COMMD1: variants seen among roughly 807,000 people sequenced by gnomAD.
The protein encoded by COMMD1 is copper metabolism domain containing 1, also known as COMM domain-containing protein 1.
Under a neutral mutation model 17.2 loss-of-function variants are expected in COMMD1, and 10 were observed. The observed-to-expected ratio is 0.58, with a 90% CI of 0.36 to 0.99. The LOEUF is 0.99. COMMD1 is among the 50% of genes least tolerant of loss of function. The pLI, the probability that COMMD1 is intolerant of heterozygous loss-of-function variation, is 0.01. For missense variants in COMMD1, 270 were observed against 231.8 expected, an observed-to-expected ratio of 1.17 and a Z score of -1.07; for synonymous variants, 97 against 91.6, an observed-to-expected ratio of 1.06 and a Z score of -0.34.
At chr2:62,088,977 C>A (rs1671748478) in intron 2 of COMMD1, among the ~76,000 whole-genome samples, 1 of 152,166 alleles carries the variant, frequency 6.6e-6, no homozygotes, top group Non-Finnish European at 1.5e-5. Flanking sequence ...TAAATCTAAA[C>A]ATTTTCTGGT....
intron 2 of COMMD1, among the ~76,000 whole-genome samples, chr2:62,133,529 A>T (rs1340150072): frequency 4.0e-5 from 6 of 151,882 alleles, no homozygotes; most frequent in African/African-American, 1.5e-4. Flanking sequence ...TTTTAATTTT[A>T]TATGCACACA....
rs572222152 is a variant in COMMD1, at chr2:62,104,582, C to T, written c.463-31249C>T. ...CCAGGAGGCAGAGGCAGCAGTGAGT[C>T]GAGATCGCGCCACTGTACTCCAGCC... On this transcript the variant is annotated intron_variant, in intron 2 of 2. Transcript: ENST00000311832. 2.2e-5 allele frequency among the ~76,000 whole-genome samples: 3 copies of T among 138,664 alleles called. No homozygotes were observed. The Admixed American group carries it at 2.3e-4, about 11-fold the overall frequency. The allele number at this position is 138,664 out of a possible 152,430, so 91.0% of individuals were successfully genotyped here.
chr2:61,978,240 A>T (rs1671859387), intron 1 of COMMD1, among the ~76,000 whole-genome samples: 1 of 152,236 alleles, frequency 6.6e-6, no homozygotes, highest in Non-Finnish European at 1.5e-5. Flanking sequence ...ACTCTAATAA[A>T]CTAAAAGCTT....
intron 2 of COMMD1, among the ~76,000 whole-genome samples, chr2:62,050,376 T>C (rs1038381988): frequency 6.6e-6 from 1 of 152,234 alleles, no homozygotes; most frequent in African/African-American, 2.4e-5. Flanking sequence ...GTACTAATAA[T>C]GTCTGCCATC....
chr2:61,940,364 C>T (rs1230975855), intron 1 of COMMD1, among the ~76,000 whole-genome samples: 2 of 152,156 alleles, frequency 1.3e-5, no homozygotes, highest in Non-Finnish European at 2.9e-5. Flanking sequence ...TAAAAGGAGT[C>T]ACAACTACCT....
chr2:62,135,253 T>C (rs1673160224), intron 2 of COMMD1, among the ~76,000 whole-genome samples: 1 of 152,202 alleles, frequency 6.6e-6, no homozygotes, highest in Non-Finnish European at 1.5e-5. Flanking sequence ...GAGGATCCAA[T>C]GAGATGACAA....
intron 2 of COMMD1, chr2:62,084,926 A>G (rs1051248103): frequency 4.6e-5 from 7 of 151,568 alleles, no homozygotes. Flanking sequence ...CCAGAACACA[A>G]AAGAAAAAGG....
intron 2 of COMMD1, among the ~76,000 whole-genome samples, chr2:62,009,206 A>G (rs1380550952): frequency 6.6e-6 from 1 of 152,196 alleles, no homozygotes; most frequent in Non-Finnish European, 1.5e-5. Context: ...TAGCTCTAAG[A>G]AGTGTTCCAT....
intron 1 of COMMD1, among the ~76,000 whole-genome samples, 162 bp downstream of exon 1, chr2:61,906,020 G>A (rs568630244): frequency 6.6e-6 from 1 of 152,146 alleles, no homozygotes; most frequent in African/African-American, 2.4e-5. Context: ...AGATTTGCTC[G>A]TTCTGTCGCC....
rs960640874 is a variant in COMMD1 at position 62,008,829 on chromosome 2, G to A, written c.462+7847G>A. ...AGAGTCTCCCTCTGTTGCCCAGGCAGGAGTGCAGTGGCATGCTCTTGGCTC... is the reference window on the plus strand; with the variant it reads ...AGAGTCTCCCTCTGTTGCCCAGGCAAGAGTGCAGTGGCATGCTCTTGGCTC... On this transcript the variant is annotated intron_variant, in intron 2 of 2. Transcript: ENST00000311832. Among the ~76,000 whole-genome samples the A allele has an allele frequency of 3.3e-5, 5 of 152,182 alleles. No individual in the cohort carries two copies. The East Asian group carries it at 9.6e-4, about 29-fold the overall frequency.
At chr2:61,959,736 A>G (rs1671289557) in intron 1 of COMMD1, among the ~76,000 whole-genome samples, 1 of 152,196 alleles carries the variant, frequency 6.6e-6, no homozygotes, top group Non-Finnish European at 1.5e-5. Flanking sequence ...GTTGCAAAAA[A>G]AGAATTAACG....
At chr2:61,912,342 T>C (rs1194430757) in intron 1 of COMMD1, among the ~76,000 whole-genome samples, 1 of 152,208 alleles carries the variant, frequency 6.6e-6, no homozygotes, top group African/African-American at 2.4e-5. Flanking sequence ...ATATACCACT[T>C]ACCATATGAG....
chr2:61,902,578 G>T (rs1572944281), upstream of COMMD1, among the ~76,000 whole-genome samples: 1 of 152,030 alleles, frequency 6.6e-6, no homozygotes, highest in Non-Finnish European at 1.5e-5. Flanking sequence ...GAAATAGGAA[G>T]AAATATAAGC....
intron 2 of COMMD1, among the ~76,000 whole-genome samples, chr2:62,026,018 T>A (rs191053129): frequency 6.6e-6 from 1 of 152,184 alleles, no homozygotes; most frequent in East Asian, 1.9e-4. Context: ...TTCTACCTAC[T>A]TTGCACTTAG....
At chr2:61,999,175 A>G (rs961620553) in intron 1 of COMMD1, among the ~76,000 whole-genome samples, 8 of 152,240 alleles carry the variant, frequency 5.3e-5, no homozygotes, top group Admixed American at 3.3e-4. Flanking sequence ...GTGAAGTGCA[A>G]TAAAGTGATG....
chr2:62,125,938 C>T (rs1194730090), intron 2 of COMMD1, among the ~76,000 whole-genome samples: 2 of 152,130 alleles, frequency 1.3e-5, no homozygotes, highest in Non-Finnish European at 2.9e-5. Flanking sequence ...TCACCCCCGA[C>T]AGGCCCCAGT....
intron 1 of COMMD1, among the ~76,000 whole-genome samples, chr2:61,963,092 G>A (rs537317317): frequency 2.5e-4 from 38 of 151,112 alleles, no homozygotes; most frequent in African/African-American, 8.5e-4. Flanking sequence ...CCCAGGAGGC[G>A]GAGGTTACAG....
intron 1 of COMMD1, among the ~76,000 whole-genome samples, chr2:61,939,018 G>A (rs761369378): frequency 4.6e-5 from 7 of 152,050 alleles, no homozygotes; most frequent in Admixed American, 2.0e-4. Flanking sequence ...AGTGTCAAGT[G>A]TTACACTTTT....
At chr2:61,936,298 C>T (rs575598165) in intron 1 of COMMD1, among the ~76,000 whole-genome samples, 1 of 152,184 alleles carries the variant, frequency 6.6e-6, no homozygotes, top group South Asian at 2.1e-4. Flanking sequence ...ATAATTCTTT[C>T]TATGGGTCTC....
Sources: allele counts gnomAD v4.1 joint callset (sites outside exome capture counted in the v4.1 genomes callset), GRCh38; gene constraint gnomAD v4.1.1; transcripts MANE v1.5; gene names NCBI Gene and HGNC (gene_info 2026-07-23, HGNC 2026-07-21).